Variants in GBF1 observed in about 807,000 individuals in gnomAD.
GBF1 encodes the protein golgi brefeldin A resistant guanine nucleotide exchange factor 1, also known as Golgi-specific brefeldin A-resistance guanine nucleotide exchange factor 1.
Under a neutral mutation model 210.5 loss-of-function variants are expected in GBF1, and 114 were observed. The ratio of observed to expected loss-of-function variants is 0.54; its 90% CI spans 0.47 to 0.63. The LOEUF (loss-of-function observed/expected upper bound fraction) is 0.63. GBF1 is among the 30% of genes least tolerant of loss of function. GBF1 has a pLI of 0.00. For synonymous variants in GBF1, 850 were observed against 889.2 expected (o/e 0.96, Z 0.78); for missense variants, 1,851 against 2,357.7 (o/e 0.79, Z 4.45).
At chr10:102,230,649 G>A in the GBF1 span, 4 of 1,601,866 alleles carry the variant, frequency 2.5e-6, no homozygotes, top group Non-Finnish European at 3.4e-6. Flanking sequence ...AGTTACACGG[G>A]TCCCGATAGA....
intron 3 of GBF1, among the ~76,000 whole-genome samples, chr10:102,289,895 A>C (rs1406231127): frequency 6.6e-6 from 1 of 152,174 alleles, no homozygotes; most frequent in East Asian, 1.9e-4. Flanking sequence ...GGATTGCTTG[A>C]GCACAGGAGC....
At chr10:102,375,709 CT>C in intron 30 of GBF1, 125 bp downstream of exon 30, 1 of 641,330 alleles carries the variant, frequency 1.6e-6, no homozygotes, top group South Asian at 1.8e-5. Context: ...CCTGCCATCA[CT>C]TCCAGAGCTT....
At position 102,367,081 on chromosome 10, in the gene GBF1, T is replaced by C; in HGVS notation, c.2434-4T>C. On this transcript the variant is annotated splice_region_variant and splice_polypyrimidine_tract_variant and intron_variant, in intron 19 of 39. Transcript: ENST00000369983. Reference sequence around the variant, plus strand: ...TGACACAGGCGGGATCTTTGCTTTTTCAGAATTGTAATGGCTCCCCATTTG... The same window carrying C: ...TGACACAGGCGGGATCTTTGCTTTTCCAGAATTGTAATGGCTCCCCATTTG... 1.2e-6 allele frequency: 2 copies of C among 1,614,144 alleles called. No homozygotes were observed. Among genetic ancestry groups the C allele is most frequent in the East Asian group, 2.2e-5 (1 of 44,884 alleles).
intron 3 of GBF1, among the ~76,000 whole-genome samples, chr10:102,293,366 A>G (rs185642740): frequency 6.6e-6 from 1 of 151,908 alleles, no homozygotes; most frequent in African/African-American, 2.4e-5. Flanking sequence ...TATGTACAGT[A>G]TATAATACTT....
intron 3 of GBF1, among the ~76,000 whole-genome samples, chr10:102,279,093 A>G (rs1272658744): frequency 6.6e-6 from 1 of 152,242 alleles, no homozygotes; most frequent in African/African-American, 2.4e-5. Flanking sequence ...TCTTAGGTGG[A>G]CACAAACTGT....
intron 24 of GBF1, 53 bp downstream of exon 24, chr10:102,369,440 T>A (rs528683822): frequency 9.5e-6 from 13 of 1,365,468 alleles, no homozygotes; most frequent in Admixed American, 8.7e-5. Context: ...GCTGCAACAT[T>A]GTATGCTACC....
intron 7 of GBF1, 28 bp downstream of exon 7, chr10:102,352,546 CG>C: frequency 1.3e-6 from 2 of 1,551,088 alleles, no homozygotes; most frequent in Non-Finnish European, 1.8e-6. Flanking sequence ...TGCTTCAGCC[CG>C]GCTGCCCAGG....
the GBF1 span, among the ~76,000 whole-genome samples, chr10:102,236,533 C>T: frequency 2.0e-5 from 3 of 152,176 alleles, no homozygotes; most frequent in Non-Finnish European, 2.9e-5. Flanking sequence ...TTCTGTAGTA[C>T]AGGCTGGAAT....
rs377647711 is a variant in GBF1 at position 102,382,262 on chromosome 10, G to C, written c.5509G>C (p.Glu1837Gln). ...LPIILNPALI[E>Q]ATSPVPLLAT... ...CATCATCCTCAACCCTGCGCTCATC[G>C]AGGCCACCTCACCAGTGCCCCTCCT... Residue 1837 changes from glutamate (E) to glutamine (Q), a missense_variant, in exon 40 of 40, where the codon GAG becomes CAG. This residue lies in a region of GBF1 where 967 missense variants were observed against 1,247.7 expected (regional missense o/e 0.78). Transcript: ENST00000369983. The C allele has an allele frequency of 1.9e-6, 3 of 1,613,810 alleles. No homozygotes were observed. Among genetic ancestry groups the C allele is most frequent in the African/African-American group, 2.7e-5 (2 of 74,874 alleles).
chr10:102,380,628 C>A lies in GBF1; in HGVS notation c.5115C>A (p.Arg1705=), dbSNP rs762953065. Residue 1705 remains arginine (R), a synonymous_variant, in exon 38 of 40, where the codon CGC becomes CGA. Transcript: ENST00000369983. ...CCCTCTGGGAGATCACCTGGGAACG[C>A]ATTGACTGTTTTCTCCCTCACCTAC... ...PSALWEITWE[R]IDCFLPHLRD... is the part of the protein sequence containing the mutation. The A allele has an allele frequency of 1.1e-5, 17 of 1,613,956 alleles. No homozygotes were observed. The highest frequency in any genetic ancestry group is 1.4e-5 in the Non-Finnish European group (16 of 1,179,988).
Position 102,380,654 on chromosome 10 carries a change from G to A in GBF1, c.5141G>A (p.Arg1714Gln), listed in dbSNP as rs756581776. The change falls in exon 38 of 40, where the codon CGA becomes CAA. Residue 1714 changes from arginine to glutamine, a missense_variant. Coordinates refer to ENST00000369983, the MANE Select transcript of GBF1 (RefSeq NM_001377137.1). ...ERIDCFLPHL[R>Q]DELFKQTVIQ... ...ATTGACTGTTTTCTCCCTCACCTAC[G>A]AGATGAACTCTTCAAGCAGACCGTC... 22 of 1,613,410 alleles carry A rather than the reference G, an allele frequency of 1.4e-5. No individual in the cohort carries two copies. In the South Asian group the frequency reaches 2.1e-4, roughly 15 times the overall value.
chr10:102,273,862 T>C (rs1026539074), intron 3 of GBF1, among the ~76,000 whole-genome samples: 3 of 152,234 alleles, frequency 2.0e-5, no homozygotes, highest in Non-Finnish European at 4.4e-5. Context: ...ATTGTGGAAG[T>C]AATTATGACT....
intron 3 of GBF1, among the ~76,000 whole-genome samples, chr10:102,329,598 G>C (rs897336559): frequency 6.6e-6 from 1 of 151,944 alleles, no homozygotes; most frequent in East Asian, 1.9e-4. Flanking sequence ...TGAGTAGCTG[G>C]GACTACAGGT....
Position 102,368,721 on chromosome 10 carries a change from T to G in GBF1, c.2880-18T>G. 3 of 1,577,426 alleles carry G rather than the reference T, an allele frequency of 1.9e-6. No homozygotes were observed. The highest frequency in any genetic ancestry group is 1.7e-6 in the Non-Finnish European group (2 of 1,147,018). On this transcript the variant is annotated intron_variant, in intron 22 of 39. Transcript: ENST00000369983. ...CCTTCCAGTGACTCTGTTTCTGGGATGGGGGGTAACATTACAGGAAGTGCG... is the reference window on the plus strand; with the variant it reads ...CCTTCCAGTGACTCTGTTTCTGGGAGGGGGGGTAACATTACAGGAAGTGCG...
At chr10:102,275,578 TGTA>T (rs574158528) in intron 3 of GBF1, among the ~76,000 whole-genome samples, 345 of 152,312 alleles carry the variant, frequency 2.3e-3, no homozygotes, top group Middle Eastern at 3.4e-3. Context: ...GGAGTACAAA[TGTA>T]GTCCACAGAA....
intron 3 of GBF1, among the ~76,000 whole-genome samples, chr10:102,285,293 G>A (rs2075841886): frequency 6.6e-6 from 1 of 152,194 alleles, no homozygotes; most frequent in Non-Finnish European, 1.5e-5. Context: ...GCTAGGTCTT[G>A]CTGACTATAC....
chr10:102,351,170 AC>A, intron 4 of GBF1, 85 bp from the exon 5 acceptor site: 1 of 774,354 alleles, frequency 1.3e-6, no homozygotes, highest in Non-Finnish European at 2.2e-6. Context: ...AAGAGGAAAA[AC>A]TGTCTCTCAA....
chr10:102,315,863 TA>T lies in GBF1; in HGVS notation c.164-28187del, dbSNP rs367940285. ...TTCTGCTTTCCAGGAGCTTGCAGAC[TA>T]CAATTTAGCAATTCCATAAACCAGA... On this transcript the variant is annotated intron_variant, in intron 3 of 39. Transcript: ENST00000369983. Among the ~76,000 whole-genome samples the T allele has an allele frequency of 1.4e-4, 22 of 152,196 alleles. No individual in the cohort carries two copies. The East Asian group carries it at 4.3e-3, about 29-fold the overall frequency.
the GBF1 span, among the ~76,000 whole-genome samples, chr10:102,236,149 C>T: frequency 2.0e-5 from 3 of 152,160 alleles, no homozygotes; most frequent in South Asian, 2.1e-4. Flanking sequence ...AGGCTGGGGG[C>T]GCCAAGCTGT....
Sources: allele counts gnomAD v4.1 joint callset (sites outside exome capture counted in the v4.1 genomes callset), GRCh38; gene constraint gnomAD v4.1.1; regional missense constraint gnomAD v4.1.1; transcripts MANE v1.5; gene names NCBI Gene and HGNC (gene_info 2026-07-23, HGNC 2026-07-21).